SLCO3A1: variants seen among roughly 807,000 people sequenced by gnomAD.
SLCO3A1 encodes PGE1 transporter.
SLCO3A1 carries 27 observed loss-of-function variants against 63.1 expected under a neutral mutation model. The observed-to-expected ratio is 0.43, with a 90% CI of 0.32 to 0.59. SLCO3A1 has a LOEUF of 0.59. Among genes scored for constraint, SLCO3A1 ranks in the 20% least tolerant of loss-of-function variants. The pLI is 0.09. For missense variants in SLCO3A1, 773 were observed against 945.8 expected (o/e 0.82, Z 2.40); for synonymous variants, 473 against 409.9 (o/e 1.15, Z -1.86).
At position 92,120,636 on chromosome 15, in the gene SLCO3A1, G is replaced by T. The variant is rs752684003; in HGVS notation, c.1174+7G>T. On this transcript the variant is annotated splice_region_variant and intron_variant, in intron 5 of 9. Coordinates refer to ENST00000318445, the MANE Select transcript of SLCO3A1 (RefSeq NM_013272.4). ...TCTGCCAACCAGCTGCTTGGTGAGTGTGTCCTCAGGCCTCCTGAGAGGGTC... is the reference window on the plus strand; with the variant it reads ...TCTGCCAACCAGCTGCTTGGTGAGTTTGTCCTCAGGCCTCCTGAGAGGGTC... 23 of 1,613,068 alleles carry T rather than the reference G, an allele frequency of 1.4e-5. No homozygotes were observed. In the South Asian group the frequency reaches 2.0e-4, roughly 14 times the overall value.
intron 2 of SLCO3A1, among the ~76,000 whole-genome samples, chr15:91,944,342 G>A (rs2151403180): frequency 6.6e-6 from 1 of 152,208 alleles, no homozygotes; most frequent in East Asian, 1.9e-4. Context: ...TCTGGGCTTC[G>A]AGGCAAGACA....
chr15:91,936,210 G>C (rs1410506617), intron 2 of SLCO3A1, among the ~76,000 whole-genome samples: 1 of 152,250 alleles, frequency 6.6e-6, no homozygotes, highest in Non-Finnish European at 1.5e-5. Flanking sequence ...AGTGCTCAAT[G>C]CGTTGTTATT....
intron 1 of SLCO3A1, among the ~76,000 whole-genome samples, chr15:91,878,015 A>C (rs565831325): frequency 3.0e-4 from 45 of 152,104 alleles, no homozygotes; most frequent in South Asian, 2.1e-3. Flanking sequence ...TGTGCTGACA[A>C]CATGAGGCAA....
chr15:92,118,365 A>G (rs540635351), intron 4 of SLCO3A1, among the ~76,000 whole-genome samples: 1 of 152,330 alleles, frequency 6.6e-6, no homozygotes, highest in African/African-American at 2.4e-5. Flanking sequence ...CATCTGGCTC[A>G]GTCCATTTGC....
chr15:92,007,007 T>C (rs1742051947), intron 2 of SLCO3A1, among the ~76,000 whole-genome samples: 1 of 152,260 alleles, frequency 6.6e-6, no homozygotes. Context: ...CATTGAATTA[T>C]ATAACCTGGA....
intron 2 of SLCO3A1, among the ~76,000 whole-genome samples, chr15:92,031,517 T>C (rs1156322120): frequency 6.6e-6 from 1 of 152,158 alleles, no homozygotes; most frequent in Non-Finnish European, 1.5e-5. Flanking sequence ...GGGAGCATCA[T>C]TTCGTGGATC....
At position 92,150,978 on chromosome 15, in the gene SLCO3A1, G is replaced by T. The variant is rs200042814; in HGVS notation, c.1717G>T (p.Ala573Ser). Residue 573 changes from alanine to serine, a missense_variant, in exon 9 of 10, where the codon GCT becomes TCT. Transcript: ENST00000318445. ...RTVSPELKSY[A>S]LGVLFLLLRL... ...AGTCAGCCCTGAACTCAAGTCTTAC[G>T]CTTTGGGAGTTCTTTTTCTCCTCCT... 5 of 1,612,896 alleles carry T rather than the reference G, an allele frequency of 3.1e-6. 1 individual carries two copies. The South Asian group carries it at 5.5e-5, about 18-fold the overall frequency.
intron 1 of SLCO3A1, among the ~76,000 whole-genome samples, chr15:91,877,983 G>T (rs1897443559): frequency 2.0e-5 from 3 of 152,152 alleles, no homozygotes; most frequent in East Asian, 1.9e-4. Flanking sequence ...CTTAGGTGAG[G>T]CTGCACCGGA....
chr15:92,171,925 C>A (rs2048523950), exon 11 of SLCO3A1: 1 of 1,253,052 alleles, frequency 8.0e-7, no homozygotes, highest in Non-Finnish European at 1.1e-6. Context: ...ACCTCGCGGG[C>A]CTCACTTAGC....
chr15:91,890,662 G>C (rs1044377860), intron 1 of SLCO3A1, among the ~76,000 whole-genome samples: 1 of 152,142 alleles, frequency 6.6e-6, no homozygotes, highest in African/African-American at 2.4e-5. Flanking sequence ...CCAAATAAAG[G>C]CTCTTTGTCT....
At chr15:91,922,212 C>T (rs1310434610) in intron 2 of SLCO3A1, among the ~76,000 whole-genome samples, 1 of 72,444 alleles carries the variant, frequency 1.4e-5, no homozygotes, top group Non-Finnish European at 3.2e-5. Context: ...ACACACACGG[C>T]ACAGAGACAG....
chr15:91,998,956 G>A (rs564228187), intron 2 of SLCO3A1, among the ~76,000 whole-genome samples: 10 of 152,370 alleles, frequency 6.6e-5, no homozygotes, highest in East Asian at 1.9e-4. Flanking sequence ...CCGAGCAGCC[G>A]TTAGAAGGAA....
chr15:92,011,063 C>T (rs1286983815), intron 2 of SLCO3A1, among the ~76,000 whole-genome samples: 1 of 152,214 alleles, frequency 6.6e-6, no homozygotes, highest in African/African-American at 2.4e-5. Context: ...CTCACAATAG[C>T]CTTCAAGGCT....
chr15:91,961,752 A>G (rs1900454779), intron 2 of SLCO3A1, among the ~76,000 whole-genome samples: 4 of 152,138 alleles, frequency 2.6e-5, no homozygotes, highest in Admixed American at 2.6e-4. Flanking sequence ...TTCTTCACAT[A>G]TTGCCATCTA....
intron 2 of SLCO3A1, among the ~76,000 whole-genome samples, chr15:91,927,831 AAT>A (rs1567190154): frequency 6.6e-6 from 1 of 152,206 alleles, no homozygotes; most frequent in African/African-American, 2.4e-5. Context: ...GCAAGGATCT[AAT>A]AGATTCTAAA....
At chr15:91,857,770 G>C (rs1244054649) in intron 1 of SLCO3A1, among the ~76,000 whole-genome samples, 1 of 152,100 alleles carries the variant, frequency 6.6e-6, no homozygotes, top group Non-Finnish European at 1.5e-5. Context: ...GTAGATAAGG[G>C]TGTGTACAGG....
chr15:92,048,529 C>T (rs2046918100), intron 2 of SLCO3A1, among the ~76,000 whole-genome samples: 1 of 152,100 alleles, frequency 6.6e-6, no homozygotes, highest in African/African-American at 2.4e-5. Flanking sequence ...TAGCAGTGTC[C>T]CTGGCCTCTA....
intron 7 of SLCO3A1, among the ~76,000 whole-genome samples, chr15:92,144,326 T>G (rs2238351): frequency 1.3e-5 from 2 of 151,950 alleles, no homozygotes; most frequent in East Asian, 3.9e-4. Context: ...TTGAATACCA[T>G]GGTCCAGGGA....
chr15:92,006,920 G>T (rs557418420), intron 2 of SLCO3A1, among the ~76,000 whole-genome samples: 2 of 152,206 alleles, frequency 1.3e-5, no homozygotes, highest in African/African-American at 4.8e-5. Flanking sequence ...GAGAACCAGA[G>T]TCCTTTACTT....
Sources: allele counts gnomAD v4.1 joint callset (sites outside exome capture counted in the v4.1 genomes callset), GRCh38; gene constraint gnomAD v4.1.1; transcripts MANE v1.5; gene names NCBI Gene and HGNC (gene_info 2026-07-23, HGNC 2026-07-21).